Variants in EIF3E observed in about 807,000 individuals in gnomAD.
EIF3E encodes eIF-3 p48.
Under a neutral mutation model 59.3 loss-of-function variants are expected in EIF3E, and 25 were observed. The ratio of observed to expected loss-of-function variants is 0.42; its 90% CI spans 0.31 to 0.59. EIF3E has a LOEUF of 0.59. Among genes scored for constraint, EIF3E ranks in the 20% least tolerant of loss-of-function variants. EIF3E has a pLI of 0.15. For missense variants in EIF3E, 317 were observed against 534.3 expected (o/e 0.59, Z 4.01); for synonymous variants, 176 against 170.2 (o/e 1.03, Z -0.26).
chr8:108,235,148 T>C (rs750798410), intron 4 of EIF3E, 46 bp from the exon 5 acceptor site: 26 of 1,213,418 alleles, frequency 2.1e-5, no homozygotes, highest in Non-Finnish European at 2.8e-5. Context: ...TTTAGAGTTT[T>C]AAAACCCCAT....
At chr8:108,212,681 A>T (rs1350300488) in intron 10 of EIF3E, among the ~76,000 whole-genome samples, 1 of 152,210 alleles carries the variant, frequency 6.6e-6, no homozygotes, top group Non-Finnish European at 1.5e-5. Flanking sequence ...ACATGCCTGT[A>T]ATCTCAGCTA....
chr8:108,236,113 C>T (rs1224889162), intron 4 of EIF3E, 48 bp downstream of exon 4: 13 of 1,538,868 alleles, frequency 8.4e-6, no homozygotes, highest in Non-Finnish European at 1.2e-5. Context: ...AGTCTTTAGT[C>T]AGCATTATTA....
intron 7 of EIF3E, among the ~76,000 whole-genome samples, chr8:108,225,486 A>C (rs1815501075): frequency 6.6e-6 from 1 of 151,494 alleles, no homozygotes; most frequent in Non-Finnish European, 1.5e-5. Flanking sequence ...TGGGTAAAAA[A>C]GATCCATTCC....
In EIF3E at chr8:108,214,693, C is replaced by A; in HGVS notation, c.975G>T (p.Leu325Phe). Residue 325 changes from leucine (L) to phenylalanine (F), a missense_variant, in exon 10 of 13, where the codon TTG becomes TTT. By Grantham distance (22) the Leu-to-Phe change is conservative. Around this residue, in one of 4 missense-constraint regions of EIF3E, gnomAD observed 242 missense variants for 398.0 expected, o/e 0.61. Transcript: ENST00000220849. ...CESVLVNDFFLVACLEDFIEN... is the reference protein window; with the variant it reads ...CESVLVNDFFFVACLEDFIEN... The stretch of plus-strand genomic sequence containing the variant: ...CAATGAAATCCTCAAGACAAGCCAC[C>A]AAGAAGAAGTCATTCACAAGCACCT... 6.2e-7 allele frequency: 1 copy of A among 1,608,190 alleles called. No individual in the cohort carries two copies.
intron 11 of EIF3E, 73 bp from the exon 12 acceptor site, chr8:108,203,190 C>G: frequency 6.5e-7 from 1 of 1,539,084 alleles, no homozygotes; most frequent in South Asian, 1.2e-5. Flanking sequence ...AAAAGCATGA[C>G]ATACCTTTGC....
intron 7 of EIF3E, among the ~76,000 whole-genome samples, chr8:108,221,840 A>C (rs1815422203): frequency 6.6e-6 from 1 of 151,844 alleles, no homozygotes; most frequent in African/African-American, 2.4e-5. Flanking sequence ...GCTGTTTTCC[A>C]ATAAAAAGTT....
chr8:108,239,778 T>A (rs1224751663), intron 3 of EIF3E, among the ~76,000 whole-genome samples, 180 bp downstream of exon 3: 1 of 152,170 alleles, frequency 6.6e-6, no homozygotes, highest in Non-Finnish European at 1.5e-5. Flanking sequence ...TTAGTGTTAA[T>A]ATTAACATTT....
intron 5 of EIF3E, among the ~76,000 whole-genome samples, chr8:108,230,996 A>G (rs1014848762): frequency 3.9e-5 from 6 of 152,190 alleles, no homozygotes; most frequent in African/African-American, 1.4e-4. Flanking sequence ...AAGCAGGTCA[A>G]TGGATGCCCA....
At chr8:108,214,497 A>G in intron 10 of EIF3E, 110 bp downstream of exon 10, 1 of 823,918 alleles carries the variant, frequency 1.2e-6, no homozygotes, top group South Asian at 2.6e-5. Flanking sequence ...GAAAGCAAAA[A>G]TAAATAAAAA....
At chr8:108,244,286 T>C (rs905325857) in intron 1 of EIF3E, among the ~76,000 whole-genome samples, 1 of 152,230 alleles carries the variant, frequency 6.6e-6, no homozygotes, top group African/African-American at 2.4e-5. Context: ...TGTTACAAAC[T>C]ATTCTTAGCC....
intron 7 of EIF3E, among the ~76,000 whole-genome samples, chr8:108,226,790 A>C (rs1472085200): frequency 6.6e-6 from 1 of 152,200 alleles, no homozygotes. Context: ...TGTTAATGGA[A>C]TCATTTAAAA....
At chr8:108,235,160 G>T in intron 4 of EIF3E, 58 bp from the exon 5 acceptor site, 3 of 1,102,014 alleles carry the variant, frequency 2.7e-6, no homozygotes, top group Non-Finnish European at 3.8e-6. Flanking sequence ...AAACCCCATT[G>T]TAATTCATAA....
At chr8:108,202,733 C>T (rs1336327892) in intron 12 of EIF3E, among the ~76,000 whole-genome samples, 3 of 151,944 alleles carry the variant, frequency 2.0e-5, no homozygotes, top group East Asian at 3.8e-4. Flanking sequence ...AATGAAGTCA[C>T]ACAGGAAGAG....
At chr8:108,215,230 G>A (rs1329511226) in intron 9 of EIF3E, among the ~76,000 whole-genome samples, 2 of 149,620 alleles carry the variant, frequency 1.3e-5, no homozygotes, top group African/African-American at 2.5e-5. Flanking sequence ...ATGAATATAC[G>A]CCAATATTTA....
intron 2 of EIF3E, 68 bp downstream of exon 2, chr8:108,241,731 A>G: frequency 2.2e-6 from 2 of 928,066 alleles, no homozygotes; most frequent in African/African-American, 1.7e-5. Context: ...TGTCTTATAA[A>G]TCATAAAACT....
At chr8:108,211,684 G>A (rs1363315853) in intron 10 of EIF3E, among the ~76,000 whole-genome samples, 1 of 152,046 alleles carries the variant, frequency 6.6e-6, no homozygotes, top group Non-Finnish European at 1.5e-5. Context: ...ACTTTAGCAG[G>A]CTGTAATTAC....
At chr8:108,219,258 G>A (rs116138596) in intron 7 of EIF3E, among the ~76,000 whole-genome samples, 1,873 of 152,144 alleles carry the variant, frequency 0.012, 38 homozygotes, top group African/African-American at 0.042. Flanking sequence ...TTTTACTGGA[G>A]GATTACTTAT....
intron 7 of EIF3E, among the ~76,000 whole-genome samples, chr8:108,224,085 G>C (rs539720132): frequency 6.6e-6 from 1 of 150,732 alleles, no homozygotes; most frequent in Non-Finnish European, 1.5e-5. Flanking sequence ...AGCCAGGCGT[G>C]GTGGTGGGCG....
At chr8:108,237,857 G>A (rs1311639752) in intron 3 of EIF3E, among the ~76,000 whole-genome samples, 3 of 152,100 alleles carry the variant, frequency 2.0e-5, no homozygotes, top group Non-Finnish European at 4.4e-5. Context: ...GTGTAAGTAC[G>A]ATACTATATA....
Sources: allele counts gnomAD v4.1 joint callset (sites outside exome capture counted in the v4.1 genomes callset), GRCh38; gene constraint gnomAD v4.1.1; regional missense constraint gnomAD v4.1.1; transcripts MANE v1.5; gene names NCBI Gene and HGNC (gene_info 2026-07-23, HGNC 2026-07-21).